The following ACSM6 variants were observed in gnomAD, a reference collection of about 807,000 sequenced individuals.
ACSM6 encodes the protein acyl-coenzyme A synthetase ACSM6, mitochondrial.
A neutral mutation model predicts 51.1 loss-of-function variants in ACSM6; 35 were observed. That is an observed-to-expected ratio of 0.69 (90% CI 0.52 to 0.91). ACSM6 has a LOEUF of 0.91. ACSM6 is among the 40% of genes least tolerant of loss of function. The pLI, the probability that ACSM6 is intolerant of heterozygous loss-of-function variation, is 0.00. For missense variants in ACSM6, 509 were observed against 584.1 expected (o/e 0.87, Z 1.32); for synonymous variants, 172 against 207.3 (o/e 0.83, Z 1.46).
At chr10:95,217,566 T>C (rs1192770044) in intron 8 of ACSM6, among the ~76,000 whole-genome samples, 6 of 152,176 alleles carry the variant, frequency 3.9e-5, no homozygotes, top group Admixed American at 3.3e-4. Context: ...GTTTTATATA[T>C]TACTACTGTT....
At chr10:95,194,288 AC>A in exon 1 of ACSM6, 1 of 520,654 alleles carries the variant, frequency 1.9e-6, no homozygotes, top group South Asian at 3.7e-5. Context: ...CCCCATAGAA[AC>A]TCCTCTTGGA....
intron 9 of ACSM6, among the ~76,000 whole-genome samples, chr10:95,224,854 G>C (rs1163806888): frequency 6.6e-6 from 1 of 152,084 alleles, no homozygotes; most frequent in Non-Finnish European, 1.5e-5. Flanking sequence ...TTATACATAA[G>C]ATGGCTAATT....
At chr10:95,228,048 C>A (rs942452747) in intron 10 of ACSM6, among the ~76,000 whole-genome samples, 1 of 151,248 alleles carries the variant, frequency 6.6e-6, no homozygotes, top group East Asian at 1.9e-4. Context: ...TTCCAACTTG[C>A]GTGACAGAGT....
chr10:95,228,814 G>T, exon 11 of ACSM6: 1 of 1,542,778 alleles, frequency 6.5e-7, no homozygotes, highest in South Asian at 1.2e-5. Flanking sequence ...TGAGCCTGGG[G>T]CTGTGGGAGT....
intron 10 of ACSM6, 96 bp from the exon 11 acceptor site, chr10:95,228,546 TCA>T: frequency 8.1e-7 from 1 of 1,230,888 alleles, no homozygotes; most frequent in South Asian, 2.2e-5. Flanking sequence ...CTTATTTTTC[TCA>T]GTCTCCCCTG....
intron 8 of ACSM6, among the ~76,000 whole-genome samples, chr10:95,217,885 G>A (rs770757894): frequency 9.2e-5 from 14 of 152,336 alleles, no homozygotes; most frequent in African/African-American, 3.1e-4. Flanking sequence ...CGCTTGGTAC[G>A]CAAGTTACAA....
intron 9 of ACSM6, among the ~76,000 whole-genome samples, chr10:95,222,838 T>C (rs1033465577): frequency 1.3e-5 from 2 of 152,090 alleles, no homozygotes; most frequent in African/African-American, 4.8e-5. Context: ...ATATATTAAG[T>C]GTTCTTATTA....
chr10:95,200,615 G>GAGA (rs1554829171), intron 2 of ACSM6, among the ~76,000 whole-genome samples: 12,488 of 148,316 alleles, frequency 0.084, 627 homozygotes, highest in Middle Eastern at 0.15. Context: ...GAAGGAGAAG[G>GAGA]AGAAGAAGAA....
At chr10:95,201,900 T>G in intron 2 of ACSM6, 85 bp from the exon 3 acceptor site, 1 of 1,174,418 alleles carries the variant, frequency 8.5e-7, no homozygotes, top group Non-Finnish European at 1.2e-6. Flanking sequence ...TCTAGCCACT[T>G]GAGGGTGCTG....
intron 10 of ACSM6, among the ~76,000 whole-genome samples, chr10:95,226,677 C>T (rs939008983): frequency 6.6e-6 from 1 of 152,144 alleles, no homozygotes; most frequent in African/African-American, 2.4e-5. Flanking sequence ...ATGAGCAGTC[C>T]ATTTTATCTA....
chr10:95,214,920 A>T (rs1366850740), exon 8 of ACSM6: 1 of 1,551,608 alleles, frequency 6.4e-7, no homozygotes, highest in South Asian at 1.2e-5. Flanking sequence ...GTGATTGAGG[A>T]CTGGAAACGC....
chr10:95,220,610 G>A (rs1482679688), intron 9 of ACSM6, among the ~76,000 whole-genome samples: 1 of 152,132 alleles, frequency 6.6e-6, no homozygotes. Flanking sequence ...GAAATAGTAA[G>A]TTCTCAACCT....
At chr10:95,213,949 G>A (rs148961047) in intron 7 of ACSM6, among the ~76,000 whole-genome samples, 95 of 152,240 alleles carry the variant, frequency 6.2e-4, no homozygotes, top group Middle Eastern at 3.4e-3. Flanking sequence ...GTTAAAAATC[G>A]CTATGATTAA....
intron 8 of ACSM6, among the ~76,000 whole-genome samples, chr10:95,215,719 A>G (rs987652637): frequency 6.6e-6 from 1 of 152,240 alleles, no homozygotes; most frequent in Non-Finnish European, 1.5e-5. Context: ...CTGTAACAAA[A>G]TATCATAGAT....
At chr10:95,224,302 T>C (rs1263384237) in intron 9 of ACSM6, among the ~76,000 whole-genome samples, 3 of 152,222 alleles carry the variant, frequency 2.0e-5, no homozygotes, top group South Asian at 2.1e-4. Context: ...ATTTGGAAGG[T>C]TGTAGCCCTC....
chr10:95,213,879 C>T (rs2034919485), intron 7 of ACSM6, among the ~76,000 whole-genome samples: 1 of 152,080 alleles, frequency 6.6e-6, no homozygotes, highest in South Asian at 2.1e-4. Flanking sequence ...CAAACAATAC[C>T]ACCGTATTAA....
chr10:95,227,114 G>A (rs1380894479), intron 10 of ACSM6, among the ~76,000 whole-genome samples: 1 of 151,736 alleles, frequency 6.6e-6, no homozygotes, highest in Non-Finnish European at 1.5e-5. Context: ...AGCCTCATGA[G>A]TAGCTGGGAT....
At chr10:95,207,208 G>T (rs1327258062) in exon 4 of ACSM6, 2 of 1,613,708 alleles carry the variant, frequency 1.2e-6, no homozygotes, top group African/African-American at 1.3e-5. Flanking sequence ...TTTTTTTCAG[G>T]AATCACCTTT....
chr10:95,200,371 T>G (rs2034779514), intron 2 of ACSM6, among the ~76,000 whole-genome samples: 2 of 137,904 alleles, frequency 1.5e-5, no homozygotes, highest in Non-Finnish European at 3.2e-5. Context: ...GGGGGAGGGA[T>G]AGCATTGGGT....
Sources: allele counts gnomAD v4.1 joint callset (sites outside exome capture counted in the v4.1 genomes callset), GRCh38; gene constraint gnomAD v4.1.1; transcripts MANE v1.5; gene names NCBI Gene and HGNC (gene_info 2026-07-23, HGNC 2026-07-21).